The following RBFOX3 variants were observed in gnomAD, a reference collection of about 807,000 sequenced individuals.
The protein encoded by RBFOX3 is RNA binding protein fox-1 homolog 3.
Under a neutral mutation model 48.7 loss-of-function variants are expected in RBFOX3, and 17 were observed. The observed-to-expected ratio is 0.35, with a 90% CI of 0.24 to 0.52. The LOEUF is 0.52. Ranked by LOEUF, RBFOX3 falls within the 20% of genes least tolerant of loss-of-function variation. RBFOX3 has a pLI of 0.94. For synonymous variants in RBFOX3, 212 were observed against 209.5 expected, an observed-to-expected ratio of 1.01 and a Z score of -0.10; for missense variants, 382 against 497.5, an observed-to-expected ratio of 0.77 and a Z score of 2.21.
intron 1 of RBFOX3, among the ~76,000 whole-genome samples, chr17:79,507,462 C>A (rs1323015703): frequency 1.3e-5 from 2 of 152,246 alleles, no homozygotes; most frequent in Non-Finnish European, 2.9e-5. Flanking sequence ...GTCAGGTGCC[C>A]GCGGGATGCT....
In RBFOX3 at chr17:79,579,849, TG is replaced by T. The variant is rs1231483166; in HGVS notation, c.-320+30976del. 8.2e-3 allele frequency among the ~76,000 whole-genome samples: 584 copies of T among 71,276 alleles called. 9 individuals carry two copies. The highest frequency in any genetic ancestry group is 0.033 in the African/African-American group (552 of 16,500). The allele number at this position is 71,276 out of a possible 152,430, so 46.8% of individuals were successfully genotyped here. ...TGGTGGGGAGTCACTGGTGCTGTGG[TG>T]GGGGGGTCACTGGCGCTGTGGTGGG... On this transcript the variant is annotated intron_variant, in intron 1 of 14. Transcript: ENST00000693108.
chr17:79,573,600 A>AT (rs1283737000), intron 1 of RBFOX3, among the ~76,000 whole-genome samples: 2 of 152,212 alleles, frequency 1.3e-5, no homozygotes, highest in African/African-American at 4.8e-5. Flanking sequence ...AGCTCTCTCC[A>AT]TCCTACAGCT....
intron 4 of RBFOX3, among the ~76,000 whole-genome samples, chr17:79,116,396 T>C (rs2147025069): frequency 6.6e-6 from 1 of 151,144 alleles, no homozygotes; most frequent in Non-Finnish European, 1.5e-5. Flanking sequence ...GTGCCTATAA[T>C]CCCAGCTACT....
the RBFOX3 span, among the ~76,000 whole-genome samples, chr17:79,657,222 C>G: frequency 2.0e-5 from 3 of 152,174 alleles, no homozygotes; most frequent in African/African-American, 7.2e-5. Context: ...GCCTTCTCCT[C>G]TGAGCTGATC....
chr17:79,152,809 T>C (rs112631766), intron 4 of RBFOX3, among the ~76,000 whole-genome samples: 7,974 of 152,052 alleles, frequency 0.052, 700 homozygotes, highest in African/African-American at 0.18. Flanking sequence ...TGGGCACAGG[T>C]GCCAGACTTG....
intron 4 of RBFOX3, among the ~76,000 whole-genome samples, chr17:79,172,999 AG>A (rs1261742450): frequency 6.6e-6 from 1 of 152,192 alleles, no homozygotes; most frequent in African/African-American, 2.4e-5. Context: ...ACCTGAGGTC[AG>A]GAGTTTGACA....
intron 1 of RBFOX3, among the ~76,000 whole-genome samples, chr17:79,518,563 G>A (rs1277953662): frequency 6.6e-6 from 1 of 152,374 alleles, no homozygotes; most frequent in African/African-American, 2.4e-5. Context: ...AAGGCTGGGG[G>A]AGCTGGGGCC....
the RBFOX3 span, among the ~76,000 whole-genome samples, chr17:79,631,212 T>C: frequency 6.6e-6 from 1 of 152,100 alleles, no homozygotes; most frequent in Non-Finnish European, 1.5e-5. Context: ...CCACTGCAGA[T>C]GTGGGAAGGA....
chr17:79,664,179 CTTTTT>C, the RBFOX3 span, among the ~76,000 whole-genome samples: 1 of 145,682 alleles, frequency 6.9e-6, no homozygotes, highest in East Asian at 2.0e-4. Context: ...CCATTCTTAC[CTTTTT>C]TTTTTTTTGA....
chr17:79,298,223 T>C (rs371832983), intron 3 of RBFOX3: 53 of 152,310 alleles, frequency 3.5e-4, no homozygotes, highest in African/African-American at 1.2e-3. Context: ...GGGCAGTTTA[T>C]TAAACACCAA....
chr17:79,446,729 T>C (rs955211750), intron 2 of RBFOX3, among the ~76,000 whole-genome samples: 3 of 152,208 alleles, frequency 2.0e-5, no homozygotes, highest in African/African-American at 7.2e-5. Context: ...AAACCTGCCC[T>C]GAGCTGCCGC....
At chr17:79,552,663 T>C (rs1005782920) in intron 1 of RBFOX3, among the ~76,000 whole-genome samples, 3 of 152,226 alleles carry the variant, frequency 2.0e-5, no homozygotes, top group African/African-American at 4.8e-5. Context: ...TTGCTGACTT[T>C]AAGGCTTGGC....
At chr17:79,433,231 G>A (rs1555729337) in intron 2 of RBFOX3, among the ~76,000 whole-genome samples, 1 of 152,198 alleles carries the variant, frequency 6.6e-6, no homozygotes, top group Non-Finnish European at 1.5e-5. Context: ...GCCACCTTGG[G>A]AGAGGTCCCG....
chr17:79,584,744 A>C (rs2093184831), intron 1 of RBFOX3, among the ~76,000 whole-genome samples: 1 of 149,326 alleles, frequency 6.7e-6, no homozygotes, highest in Non-Finnish European at 1.5e-5. Context: ...TAAGAATGAT[A>C]CACTGGATTT....
In RBFOX3 at chr17:79,103,105, T is replaced by C; in HGVS notation, c.507+57A>G. ...GGCAGGGCTGGTTGGTTGGGGGAGC[T>C]GGGGGGCAGGTGGGCGATCTTGGGG... On this transcript the variant is annotated intron_variant, in intron 8 of 14. Transcript: ENST00000693108. This position sits in a 1 kb window ranked among gnomAD's most constrained non-coding sequence, Gnocchi z 6.1. The C allele has an allele frequency of 7.6e-7, 1 of 1,321,998 alleles. No individual in the cohort carries two copies. Among genetic ancestry groups the C allele is most frequent in the South Asian group, 1.3e-5 (1 of 79,120 alleles). The allele number at this position is 1,321,998 out of a possible 1,614,324, so 81.9% of individuals were successfully genotyped here.
intron 14 of RBFOX3, among the ~76,000 whole-genome samples, chr17:79,091,278 G>A (rs557634792): frequency 1.3e-5 from 2 of 152,366 alleles, no homozygotes; most frequent in African/African-American, 2.4e-5. Context: ...GCCCTCACTG[G>A]TGGGGAACCC....
chr17:79,115,614 G>A lies in RBFOX3; in HGVS notation c.102C>T (p.Ser34=), dbSNP rs1337746240. 18 of 1,434,366 alleles carry A rather than the reference G, an allele frequency of 1.3e-5. No individual in the cohort carries two copies. The highest frequency in any genetic ancestry group is 2.9e-5 in the African/African-American group (2 of 68,266). 88.9% of individuals were successfully genotyped at this position (1,434,366 alleles called of 1,614,324 possible). A position where few individuals can be genotyped will look rare whatever the true frequency, so the allele number is the denominator to read the frequency against. The change falls in exon 5 of 15, where the codon TCC becomes TCT. Residue 34 remains serine, a synonymous_variant. Transcript: ENST00000693108. ...PPPPHPTQDY[S]GQTPVPTEHG... is the part of the protein sequence containing the mutation. ...GCTCTGTGGGGACCGGGGTCTGGCC[G>A]GAGTAGTCCTGCGTGGGGTGCGGTG...
chr17:79,433,672 A>G (rs1555729601), intron 2 of RBFOX3, among the ~76,000 whole-genome samples: 2 of 151,474 alleles, frequency 1.3e-5, no homozygotes, highest in Non-Finnish European at 1.5e-5. Context: ...AAGCAGCTGC[A>G]GCACCCAGCC....
At chr17:79,629,716 A>G in the RBFOX3 span, among the ~76,000 whole-genome samples, 1 of 152,210 alleles carries the variant, frequency 6.6e-6, no homozygotes, top group South Asian at 2.1e-4. Context: ...GAATATTTGC[A>G]CCATTGCTCA....
Sources: gnomAD v4.1 joint callset for allele counts (sites outside exome capture counted in the v4.1 genomes callset) on GRCh38, gnomAD v4.1.1 for gene constraint, Gnocchi (gnomAD v3.1) non-coding constraint, MANE v1.5 for transcripts, NCBI Gene and HGNC (gene_info 2026-07-23, HGNC 2026-07-21) for gene names.